Variants in PPP1R12A observed in about 807,000 individuals in gnomAD.
PPP1R12A encodes the protein protein phosphatase 1 regulatory subunit 12A.
In PPP1R12A, 19 loss-of-function variants were observed where a neutral mutation model predicts 139.6. The observed-to-expected ratio is 0.14, with a 90% confidence interval of 0.09 to 0.20. PPP1R12A has a LOEUF of 0.20. PPP1R12A is among the 10% of genes least tolerant of loss of function. The probability of loss-of-function intolerance (pLI) is 1.00; values close to 1 mark genes in which losing one functional copy is unlikely to be tolerated. For synonymous variants in PPP1R12A, 427 were observed against 420.6 expected (o/e 1.02, Z -0.19); for missense variants, 925 against 1,211.5 (o/e 0.76, Z 3.51).
intron 1 of PPP1R12A, among the ~76,000 whole-genome samples, chr12:79,881,501 A>C (rs746208776): frequency 5.3e-5 from 8 of 152,200 alleles, no homozygotes; most frequent in Non-Finnish European, 1.2e-4. Context: ...ATGAAGCCCA[A>C]GAGAGGTGAG....
At chr12:79,901,388 T>C (rs2137473945) in intron 1 of PPP1R12A, among the ~76,000 whole-genome samples, 1 of 152,286 alleles carries the variant, frequency 6.6e-6, no homozygotes, top group African/African-American at 2.4e-5. Context: ...TTCTTGGTTA[T>C]TATAAATAAA....
chr12:79,781,580 T>A (rs891880725), intron 23 of PPP1R12A, among the ~76,000 whole-genome samples: 6 of 152,082 alleles, frequency 3.9e-5, no homozygotes, highest in Admixed American at 1.3e-4. Flanking sequence ...ACAGTTTTTT[T>A]AAATTCATTA....
Position 79,872,946 on chromosome 12 carries a change from C to T in PPP1R12A, c.238-8G>A, listed in dbSNP as rs1462941197. ...ATTGTCATCAATGCAAGCCTAAAAACAAAACAGAAAGCAAGATTGGAAAAA... is the reference window on the plus strand; with the variant it reads ...ATTGTCATCAATGCAAGCCTAAAAATAAAACAGAAAGCAAGATTGGAAAAA... On this transcript the variant is annotated splice_polypyrimidine_tract_variant and splice_region_variant and intron_variant, in intron 1 of 24. Coordinates refer to ENST00000450142, the MANE Select transcript of PPP1R12A (RefSeq NM_002480.3). 11 of 1,609,566 alleles carry T rather than the reference C, an allele frequency of 6.8e-6. No homozygotes were observed. In the East Asian group the frequency reaches 2.2e-4, roughly 33 times the overall value.
At chr12:79,776,796 T>G (rs2136957578) in intron 24 of PPP1R12A, among the ~76,000 whole-genome samples, 2 of 152,294 alleles carry the variant, frequency 1.3e-5, no homozygotes, top group South Asian at 4.1e-4. Flanking sequence ...TAAAACTGTA[T>G]GTTCTTTGCC....
chr12:79,819,893 T>G (rs941540280), intron 8 of PPP1R12A, among the ~76,000 whole-genome samples: 1 of 150,726 alleles, frequency 6.6e-6, no homozygotes, highest in Non-Finnish European at 1.5e-5. Flanking sequence ...TTCATCAGAA[T>G]GGAAACAGAC....
chr12:79,861,110 A>G (rs1218921134), intron 2 of PPP1R12A, among the ~76,000 whole-genome samples: 1 of 151,932 alleles, frequency 6.6e-6, no homozygotes, highest in East Asian at 1.9e-4. Flanking sequence ...GGTTTCTTGG[A>G]GAAATGAGGA....
intron 1 of PPP1R12A, among the ~76,000 whole-genome samples, chr12:79,930,387 T>A (rs938688809): frequency 1.3e-5 from 2 of 152,056 alleles, no homozygotes; most frequent in African/African-American, 4.8e-5. Flanking sequence ...ATGATACTGT[T>A]CAAAGATTAA....
chr12:79,782,658 C>G (rs78145957), intron 22 of PPP1R12A: 134 of 411,580 alleles, frequency 3.3e-4, no homozygotes, highest in African/African-American at 2.7e-3. Context: ...AAGAAAAAAA[C>G]AGTGGCATCT....
Position 79,784,907 on chromosome 12 carries a change from G to A in PPP1R12A, c.2907+1467C>T, listed in dbSNP as rs146994017. On this transcript the variant is annotated intron_variant, in intron 22 of 24. Transcript: ENST00000450142. ...GCCCACCTTGGACTCCCAAAGTGCT[G>A]GAATTACAGGCGTGAGCCACCGCGC... 5.2e-3 allele frequency among the ~76,000 whole-genome samples: 789 copies of A among 152,228 alleles called. 5 individuals carry two copies. Among genetic ancestry groups the A allele is most frequent in the African/African-American group, 0.018 (749 of 41,516 alleles).
intron 8 of PPP1R12A, chr12:79,818,734 C>G (rs1592663518): frequency 6.6e-6 from 1 of 152,208 alleles, no homozygotes; most frequent in Admixed American, 6.5e-5. Context: ...TATGGTTGCA[C>G]TCTCATTTTT....
At chr12:79,904,809 G>T (rs969827398) in intron 1 of PPP1R12A, among the ~76,000 whole-genome samples, 5 of 152,192 alleles carry the variant, frequency 3.3e-5, no homozygotes, top group African/African-American at 1.2e-4. Flanking sequence ...GCCAAAAGGT[G>T]ATCTATTCTC....
At chr12:79,884,143 A>G (rs978946423) in intron 1 of PPP1R12A, among the ~76,000 whole-genome samples, 4 of 152,184 alleles carry the variant, frequency 2.6e-5, no homozygotes, top group African/African-American at 9.6e-5. Context: ...TCTTTTGAGT[A>G]ATCCTTTGAC....
At chr12:79,781,946 A>C in intron 22 of PPP1R12A, 84 bp from the exon 23 acceptor site, 1 of 684,452 alleles carries the variant, frequency 1.5e-6, no homozygotes, top group Non-Finnish European at 2.4e-6. Flanking sequence ...AATAGGTATT[A>C]AATCACAATA....
At chr12:79,805,896 C>A in intron 13 of PPP1R12A, 128 bp from the exon 14 acceptor site, 1 of 1,086,214 alleles carries the variant, frequency 9.2e-7, no homozygotes, top group Non-Finnish European at 1.3e-6. Context: ...GTGAGACATC[C>A]TTAAATTATG....
At chr12:79,826,666 T>C (rs1876816134) in intron 5 of PPP1R12A, among the ~76,000 whole-genome samples, 1 of 152,156 alleles carries the variant, frequency 6.6e-6, no homozygotes, top group African/African-American at 2.4e-5. Context: ...GATAGCAAAA[T>C]TATGATAAAT....
At chr12:79,840,034 A>G (rs1158559274) in intron 3 of PPP1R12A, among the ~76,000 whole-genome samples, 2 of 151,650 alleles carry the variant, frequency 1.3e-5, no homozygotes, top group African/African-American at 4.8e-5. Flanking sequence ...AACATCATGA[A>G]GTATTTTCTA....
intron 1 of PPP1R12A, among the ~76,000 whole-genome samples, chr12:79,909,479 G>C (rs1886384071): frequency 6.6e-6 from 1 of 152,080 alleles, no homozygotes; most frequent in Admixed American, 6.5e-5. Flanking sequence ...GCTCACGTCT[G>C]TAATCCCAGC....
chr12:79,776,170 G>GA (rs112562923), intron 24 of PPP1R12A, among the ~76,000 whole-genome samples, 155 bp from the exon 25 acceptor site: 2 of 151,864 alleles, frequency 1.3e-5, no homozygotes, highest in Non-Finnish European at 2.9e-5. Context: ...CAGGAAGAAG[G>GA]AAAAAAACCA....
intron 14 of PPP1R12A, among the ~76,000 whole-genome samples, chr12:79,803,297 G>C (rs1873426722): frequency 6.6e-6 from 1 of 152,060 alleles, no homozygotes; most frequent in Non-Finnish European, 1.5e-5. Context: ...ACATAGAGAA[G>C]AAAAATAATT....
Sources: gnomAD v4.1 joint callset for allele counts (sites outside exome capture counted in the v4.1 genomes callset) on GRCh38, gnomAD v4.1.1 for gene constraint, MANE v1.5 for transcripts, NCBI Gene and HGNC (gene_info 2026-07-23, HGNC 2026-07-21) for gene names.